The following CLIC4 variants were observed in gnomAD, a reference collection of about 807,000 sequenced individuals.
CLIC4 encodes chloride intracellular channel protein 4.
CLIC4 carries 13 observed loss-of-function variants against 24.6 expected under a neutral mutation model. That is an observed-to-expected ratio of 0.53 (90% CI 0.34 to 0.84). The LOEUF (loss-of-function observed/expected upper bound fraction) is 0.84, where lower values mean the gene tolerates loss of function less well. Ranked by LOEUF, CLIC4 falls within the 40% of genes least tolerant of loss-of-function variation. The probability of loss-of-function intolerance (pLI) is 0.01; values close to 1 mark genes in which losing one functional copy is unlikely to be tolerated. For missense variants in CLIC4, 227 were observed against 301.7 expected (o/e 0.75, Z 1.83); for synonymous variants, 104 against 111.3 (o/e 0.93, Z 0.41).
chr1:24,813,179 G>A (rs1639632726), intron 2 of CLIC4, among the ~76,000 whole-genome samples: 1 of 150,762 alleles, frequency 6.6e-6, no homozygotes, highest in African/African-American at 2.4e-5. Flanking sequence ...GAGTAGCTGG[G>A]ATTACAGGCA....
chr1:24,829,897 C>A (rs1639823376), intron 4 of CLIC4, among the ~76,000 whole-genome samples: 1 of 152,202 alleles, frequency 6.6e-6, no homozygotes, highest in Non-Finnish European at 1.5e-5. Context: ...TTTAAATACC[C>A]ATTACCTCTT....
At chr1:24,784,200 G>T (rs889529553) in intron 1 of CLIC4, among the ~76,000 whole-genome samples, 1 of 152,106 alleles carries the variant, frequency 6.6e-6, no homozygotes, top group African/African-American at 2.4e-5. Flanking sequence ...AGTGTGAAAG[G>T]TACACAACAA....
chr1:24,811,588 T>C (rs531354540), intron 2 of CLIC4, among the ~76,000 whole-genome samples: 1 of 152,134 alleles, frequency 6.6e-6, no homozygotes, highest in Non-Finnish European at 1.5e-5. Context: ...TCCTCCCATC[T>C]CAGCCTCCCA....
intron 4 of CLIC4, among the ~76,000 whole-genome samples, chr1:24,835,563 TATAA>T (rs1036249219): frequency 2.6e-5 from 4 of 152,070 alleles, no homozygotes; most frequent in African/African-American, 7.2e-5. Flanking sequence ...AGAATCTGTC[TATAA>T]ATAAATAAAT....
intron 3 of CLIC4, among the ~76,000 whole-genome samples, chr1:24,819,603 A>G (rs897080434): frequency 6.6e-6 from 1 of 151,552 alleles, no homozygotes; most frequent in Non-Finnish European, 1.5e-5. Context: ...ATGCCCAGCT[A>G]ATTTTTTCTG....
chr1:24,763,689 A>G (rs912723165), intron 1 of CLIC4, among the ~76,000 whole-genome samples: 1 of 152,140 alleles, frequency 6.6e-6, no homozygotes, highest in Non-Finnish European at 1.5e-5. Flanking sequence ...CTTTGTTTCC[A>G]TATGAGCTAT....
At chr1:24,822,520 TG>T in intron 3 of CLIC4, among the ~76,000 whole-genome samples, 1 of 152,080 alleles carries the variant, frequency 6.6e-6, no homozygotes, top group South Asian at 2.1e-4. Flanking sequence ...GGCTAATTTT[TG>T]TATTTTTAGT....
In CLIC4 at chr1:24,790,103, G is replaced by A. The variant is rs188130753; in HGVS notation, c.73-7639G>A. ...ATTTTTATTTGTTTTGAGACAGTCT[G>A]CTCTGTCGCCCAGGCTGGAGCGCAG... On this transcript the variant is annotated intron_variant, in intron 1 of 5. Coordinates refer to ENST00000374379, the MANE Select transcript of CLIC4 (RefSeq NM_013943.3). 1.1e-3 allele frequency among the ~76,000 whole-genome samples: 169 copies of A among 152,280 alleles called. 1 individual carries two copies. Among genetic ancestry groups the A allele is most frequent in the Admixed American group, 0.01 (158 of 15,290 alleles).
intron 3 of CLIC4, among the ~76,000 whole-genome samples, chr1:24,826,034 A>G (rs1272867907): frequency 6.6e-6 from 1 of 152,218 alleles, no homozygotes; most frequent in African/African-American, 2.4e-5. Context: ...AGTCCTCCTA[A>G]AGGGAAGATG....
chr1:24,805,237 A>G (rs1056441485), intron 2 of CLIC4, among the ~76,000 whole-genome samples: 2 of 152,160 alleles, frequency 1.3e-5, no homozygotes, highest in Admixed American at 6.6e-5. Flanking sequence ...AACAATATTT[A>G]ATCCAAATCA....
chr1:24,767,453 T>C (rs529123550), intron 1 of CLIC4, among the ~76,000 whole-genome samples: 1 of 152,358 alleles, frequency 6.6e-6, no homozygotes, highest in East Asian at 1.9e-4. Context: ...ACCTTCAGGA[T>C]TAGAAGCATC....
rs1187731636 is a variant in CLIC4 at position 24,745,527 on chromosome 1, C to T, written c.-27C>T. Reference sequence around the variant, plus strand: ...CAGCAGCAGCAGCAGCAGCCCTCGCCGTTCGCGGAGCGCAGCCGAGCCGGC... The same window carrying T: ...CAGCAGCAGCAGCAGCAGCCCTCGCTGTTCGCGGAGCGCAGCCGAGCCGGC... On this transcript the variant is annotated 5_prime_UTR_variant, in exon 1 of 6. Coordinates refer to ENST00000374379, the MANE Select transcript of CLIC4 (RefSeq NM_013943.3). The T allele has an allele frequency of 3.8e-6, 6 of 1,566,954 alleles. No homozygotes were observed. Among genetic ancestry groups the T allele is most frequent in the Admixed American group, 3.7e-5 (2 of 53,422 alleles).
chr1:24,748,991 G>C (rs555110140), intron 1 of CLIC4, among the ~76,000 whole-genome samples: 7 of 152,122 alleles, frequency 4.6e-5, no homozygotes, highest in African/African-American at 7.2e-5. Flanking sequence ...GGAGGCGGAG[G>C]GGGGTGGATC....
intron 1 of CLIC4, among the ~76,000 whole-genome samples, chr1:24,783,839 G>T (rs1639234551): frequency 6.6e-6 from 1 of 152,172 alleles, no homozygotes; most frequent in Admixed American, 6.5e-5. Context: ...GTATGAGTTT[G>T]TCCAAATTTA....
chr1:24,748,797 C>T (rs569520158), intron 1 of CLIC4, among the ~76,000 whole-genome samples: 21 of 152,010 alleles, frequency 1.4e-4, no homozygotes, highest in African/African-American at 5.1e-4. Flanking sequence ...CTGTGCTTGG[C>T]CCCTAGACCA....
chr1:24,751,866 A>G (rs1176027238), intron 1 of CLIC4, among the ~76,000 whole-genome samples: 1 of 152,220 alleles, frequency 6.6e-6, no homozygotes, highest in African/African-American at 2.4e-5. Flanking sequence ...CTCTGTCTCA[A>G]AAACAATCAA....
intron 2 of CLIC4, among the ~76,000 whole-genome samples, chr1:24,810,460 A>G (rs1188743527): frequency 6.6e-6 from 1 of 152,138 alleles, no homozygotes; most frequent in Admixed American, 6.5e-5. Context: ...ATTTCCTGTA[A>G]ATAATCTCAG....
At chr1:24,775,224 C>CTTTCTTTTTTTTTT (rs1639119913) in intron 1 of CLIC4, among the ~76,000 whole-genome samples, 2 of 90,662 alleles carry the variant, frequency 2.2e-5, no homozygotes, top group Non-Finnish European at 4.2e-5. Context: ...TTCTTTCTTT[C>CTTTCTTTTTTTTTT]TTTTTTTTTT....
chr1:24,767,549 C>T (rs1639016628), intron 1 of CLIC4, among the ~76,000 whole-genome samples: 1 of 152,132 alleles, frequency 6.6e-6, no homozygotes, highest in South Asian at 2.1e-4. Flanking sequence ...CAAGGTTAAG[C>T]TTGAGTTTGC....
Sources: gnomAD v4.1 joint callset for allele counts (sites outside exome capture counted in the v4.1 genomes callset) on GRCh38, gnomAD v4.1.1 for gene constraint, MANE v1.5 for transcripts, NCBI Gene and HGNC (gene_info 2026-07-23, HGNC 2026-07-21) for gene names.